The following IPCEF1 variants were observed in gnomAD, a reference collection of about 807,000 sequenced individuals.
IPCEF1 encodes interactor protein for cytohesin exchange factors 1.
Under a neutral mutation model 50.9 loss-of-function variants are expected in IPCEF1, and 31 were observed. That is an observed-to-expected ratio of 0.61 (90% CI 0.46 to 0.82). IPCEF1 has a LOEUF of 0.82. Among genes scored for constraint, IPCEF1 ranks in the 40% least tolerant of loss-of-function variants. IPCEF1 has a pLI of 0.00. For synonymous variants in IPCEF1, 181 were observed against 192.0 expected, an observed-to-expected ratio of 0.94 and a Z score of 0.47; for missense variants, 458 against 514.0, an observed-to-expected ratio of 0.89 and a Z score of 1.05.
chr6:154,327,166 A>G (rs1783542034), intron 1 of IPCEF1, among the ~76,000 whole-genome samples: 1 of 152,248 alleles, frequency 6.6e-6, no homozygotes, highest in Admixed American at 6.5e-5. Context: ...CAAAGATTTC[A>G]TGACGGAAAT....
At chr6:154,235,252 C>T (rs540298029) in intron 5 of IPCEF1, among the ~76,000 whole-genome samples, 11 of 152,216 alleles carry the variant, frequency 7.2e-5, no homozygotes, top group Middle Eastern at 3.4e-3. Flanking sequence ...AGTAATAGGC[C>T]GGGCATGGTG....
intron 1 of IPCEF1, among the ~76,000 whole-genome samples, chr6:154,310,319 G>T (rs1458560329): frequency 6.6e-6 from 1 of 152,114 alleles, no homozygotes; most frequent in Non-Finnish European, 1.5e-5. Context: ...AAACCACAAT[G>T]ATATCACCTC....
chr6:154,201,203 C>G (rs1298713280), intron 9 of IPCEF1, among the ~76,000 whole-genome samples: 1 of 152,190 alleles, frequency 6.6e-6, no homozygotes, highest in Non-Finnish European at 1.5e-5. Flanking sequence ...TACCCAGTCT[C>G]TGATAGTTCT....
chr6:154,245,136 C>T (rs1452938145), intron 5 of IPCEF1, among the ~76,000 whole-genome samples: 1 of 152,006 alleles, frequency 6.6e-6, no homozygotes, highest in Non-Finnish European at 1.5e-5. Flanking sequence ...TTGGGTAAAA[C>T]CATACATGCT....
At chr6:154,353,165 G>A (rs1481975153) in intron 1 of IPCEF1, among the ~76,000 whole-genome samples, 1 of 152,100 alleles carries the variant, frequency 6.6e-6, no homozygotes, top group Non-Finnish European at 1.5e-5. Context: ...AATTTTAAGT[G>A]TCATTTCTTA....
At position 154,199,696 on chromosome 6, in the gene IPCEF1, C is replaced by G; in HGVS notation, c.882G>C (p.Lys294Asn). 6.2e-7 allele frequency: 1 copy of G among 1,612,060 alleles called. No individual in the cohort carries two copies. The highest frequency in any genetic ancestry group is 8.5e-7 in the Non-Finnish European group (1 of 1,178,644). The change falls in exon 10 of 12, where the codon AAG becomes AAC. Residue 294 changes from lysine (K) to asparagine (N), a missense_variant. Lys to Asn is a moderately conservative substitution (Grantham distance 94). Coordinates refer to ENST00000367220, the MANE Select transcript of IPCEF1 (RefSeq NM_001130700.2). ...TGTCCATGATCTTTGATCCAGCAGG[C>G]TTATCTGGGACAGTAAGATGGTCAT... ...SNHDHLTVPD[K>N]PAGSKIMDKE...
chr6:154,278,926 G>C (rs1583938275), intron 2 of IPCEF1, among the ~76,000 whole-genome samples: 1 of 146,852 alleles, frequency 6.8e-6, no homozygotes, highest in Non-Finnish European at 1.5e-5. Flanking sequence ...ACCAGCCTGG[G>C]CAACATGGTG....
At chr6:154,341,395 TG>T (rs1783915314) in intron 1 of IPCEF1, among the ~76,000 whole-genome samples, 1 of 152,194 alleles carries the variant, frequency 6.6e-6, no homozygotes, top group Non-Finnish European at 1.5e-5. Context: ...TGAAAGCCCT[TG>T]GGGCTTGAAG....
intron 1 of IPCEF1, among the ~76,000 whole-genome samples, chr6:154,335,386 C>A (rs2092417): frequency 0.17 from 25,427 of 152,164 alleles, 2,406 homozygotes; most frequent in South Asian, 0.42. Context: ...CTTGTGTACA[C>A]GTTAATAAAA....
At chr6:154,315,658 T>C (rs1471692240) in intron 1 of IPCEF1, among the ~76,000 whole-genome samples, 8 of 152,142 alleles carry the variant, frequency 5.3e-5, no homozygotes, top group Non-Finnish European at 1.2e-4. Context: ...TATACCAAGC[T>C]TGGGAGCTGA....
chr6:154,172,250 C>T (rs9479774), intron 10 of IPCEF1, among the ~76,000 whole-genome samples: 95,742 of 152,100 alleles, frequency 0.63, 31,015 homozygotes, highest in African/African-American at 0.77. Flanking sequence ...TTTCTGCATT[C>T]CCAACTGAAG....
chr6:154,331,059 G>T (rs1783647673), intron 1 of IPCEF1, among the ~76,000 whole-genome samples: 1 of 152,048 alleles, frequency 6.6e-6, no homozygotes, highest in African/African-American at 2.4e-5. Flanking sequence ...TTGAGATCAG[G>T]AGTTTGAGAC....
At chr6:154,291,393 T>A (rs1397187768) in intron 1 of IPCEF1, among the ~76,000 whole-genome samples, 1 of 152,192 alleles carries the variant, frequency 6.6e-6, no homozygotes, top group East Asian at 1.9e-4. Context: ...GTACTTGGAT[T>A]TTTTTCTTTT....
In IPCEF1 at chr6:154,317,548, C is replaced by CAAAAAAAAAAAAAAAAAAA. The variant is rs71021041; in HGVS notation, c.-61-27811_-61-27793dup. ...TGGGCGACAGTGAGAGACTCCATCT[C>CAAAAAAAAAAAAAAAAAAA]AAAAAAAAAAAAAAAAAAAAAAAAA... On this transcript the variant is annotated intron_variant, in intron 1 of 11. Transcript: ENST00000367220. Among the ~76,000 whole-genome samples, 7 of 16,314 alleles carry CAAAAAAAAAAAAAAAAAAA rather than the reference C, an allele frequency of 4.3e-4. 1 individual carries two copies. Among genetic ancestry groups the CAAAAAAAAAAAAAAAAAAA allele is most frequent in the Non-Finnish European group, 6.7e-4 (7 of 10,394 alleles). 10.7% of individuals were successfully genotyped at this position (16,314 alleles called of 152,430 possible).
intron 5 of IPCEF1, among the ~76,000 whole-genome samples, chr6:154,242,838 A>G (rs1472686354): frequency 1.3e-5 from 2 of 152,138 alleles, no homozygotes; most frequent in Non-Finnish European, 2.9e-5. Context: ...CAGTGAGCCG[A>G]GATAACACCA....
chr6:154,182,338 A>T (rs1488235204), intron 10 of IPCEF1, among the ~76,000 whole-genome samples: 1 of 152,124 alleles, frequency 6.6e-6, no homozygotes, highest in Non-Finnish European at 1.5e-5. Context: ...GATAAGAACA[A>T]TCCTAGTCTA....
chr6:154,330,817 C>T (rs1291018148), intron 1 of IPCEF1, among the ~76,000 whole-genome samples: 2 of 152,112 alleles, frequency 1.3e-5, no homozygotes, highest in African/African-American at 4.8e-5. Flanking sequence ...AATAGTCTGG[C>T]TTAGTGGTTG....
chr6:154,276,175 T>C (rs1325772655), intron 2 of IPCEF1, among the ~76,000 whole-genome samples: 9 of 142,386 alleles, frequency 6.3e-5, no homozygotes, highest in Admixed American at 4.4e-4. Context: ...CAGAGAGAGA[T>C]TCCATCTCAG....
chr6:154,335,681 A>G (rs1261966772), intron 1 of IPCEF1, among the ~76,000 whole-genome samples: 2 of 152,208 alleles, frequency 1.3e-5, no homozygotes, highest in African/African-American at 4.8e-5. Flanking sequence ...AAAAAAATAA[A>G]TAAGTAAAAG....
Sources: allele counts gnomAD v4.1 joint callset (sites outside exome capture counted in the v4.1 genomes callset), GRCh38; gene constraint gnomAD v4.1.1; transcripts MANE v1.5; gene names NCBI Gene and HGNC (gene_info 2026-07-23, HGNC 2026-07-21).